DLGAP2: variants seen among roughly 807,000 people sequenced by gnomAD.
DLGAP2 encodes disks large-associated protein 2.
DLGAP2 carries 26 observed loss-of-function variants against 100.3 expected under a neutral mutation model. The observed-to-expected ratio is 0.26, with a 90% CI of 0.19 to 0.36. The LOEUF is 0.36. Ranked by LOEUF, DLGAP2 falls within the 10% of genes least tolerant of loss-of-function variation. The pLI is 1.00. For missense variants in DLGAP2, 1,858 were observed against 1,453.2 expected, an observed-to-expected ratio of 1.28 and a Z score of -4.53; for synonymous variants, 886 against 630.1, an observed-to-expected ratio of 1.41 and a Z score of -6.08.
At chr8:1,448,975 G>A (rs1464766474) in intron 3 of DLGAP2, among the ~76,000 whole-genome samples, 1 of 152,216 alleles carries the variant, frequency 6.6e-6, no homozygotes, top group African/African-American at 2.4e-5. Flanking sequence ...GTCACGCAAA[G>A]TCTGGTTTAA....
chr8:1,452,455 G>A (rs763039486), intron 3 of DLGAP2, among the ~76,000 whole-genome samples: 1 of 152,242 alleles, frequency 6.6e-6, no homozygotes, highest in Non-Finnish European at 1.5e-5. Flanking sequence ...GATGCATTCA[G>A]CACCAGTGGA....
intron 3 of DLGAP2, among the ~76,000 whole-genome samples, chr8:1,343,758 C>T (rs1052207394): frequency 6.6e-6 from 1 of 151,902 alleles, no homozygotes; most frequent in Non-Finnish European, 1.5e-5. Flanking sequence ...ACGGAGGCCT[C>T]TCCAAGAGGC....
At chr8:1,245,808 G>A (rs1798890243) in intron 2 of DLGAP2, among the ~76,000 whole-genome samples, 1 of 152,154 alleles carries the variant, frequency 6.6e-6, no homozygotes, top group African/African-American at 2.4e-5. Flanking sequence ...GAAAAAAAGG[G>A]CAGAGGCAGA....
intron 6 of DLGAP2, among the ~76,000 whole-genome samples, chr8:1,580,849 A>G (rs1380125483): frequency 6.6e-6 from 1 of 151,546 alleles, no homozygotes; most frequent in African/African-American, 2.4e-5. Flanking sequence ...CCACACATCT[A>G]CACACCATAG....
chr8:1,220,172 G>C (rs4387003), intron 2 of DLGAP2, among the ~76,000 whole-genome samples: 36,769 of 151,778 alleles, frequency 0.24, 5,161 homozygotes, highest in South Asian at 0.43. Flanking sequence ...TTTGCTCTTG[G>C]TTTTCTAGTT....
intron 3 of DLGAP2, among the ~76,000 whole-genome samples, chr8:1,448,733 C>G (rs886931142): frequency 2.0e-5 from 3 of 152,216 alleles, no homozygotes; most frequent in South Asian, 4.1e-4. Context: ...GTACTTTTTT[C>G]ACTTGGAGAC....
intron 3 of DLGAP2, among the ~76,000 whole-genome samples, chr8:1,349,848 A>T (rs1033024606): frequency 1.3e-5 from 2 of 152,244 alleles, no homozygotes; most frequent in African/African-American, 4.8e-5. Context: ...GTTGCTATAT[A>T]ATAAATTCTG....
chr8:923,388 TG>T (rs1413519904), intron 2 of DLGAP2, among the ~76,000 whole-genome samples: 6 of 152,226 alleles, frequency 3.9e-5, no homozygotes, highest in Non-Finnish European at 8.8e-5. Context: ...ACTGCCTTGA[TG>T]GATTGTGATG....
At chr8:1,313,352 C>T (rs1288056567) in intron 3 of DLGAP2, among the ~76,000 whole-genome samples, 1 of 152,176 alleles carries the variant, frequency 6.6e-6, no homozygotes, top group Non-Finnish European at 1.5e-5. Context: ...ACAAATTTGT[C>T]TTCTTCACCA....
intron 1 of DLGAP2, among the ~76,000 whole-genome samples, chr8:890,302 G>C (rs1359784237): frequency 3.9e-5 from 6 of 152,200 alleles, no homozygotes; most frequent in Non-Finnish European, 5.9e-5. Flanking sequence ...AGCGTGGTTT[G>C]CTGCAGGACT....
At chr8:777,157 A>G (rs1010014660) in intron 1 of DLGAP2, among the ~76,000 whole-genome samples, 1 of 152,074 alleles carries the variant, frequency 6.6e-6, no homozygotes, top group Non-Finnish European at 1.5e-5. Context: ...GCTTTATCAG[A>G]GACTAGGATT....
At chr8:1,279,537 T>C (rs1799773899) in intron 3 of DLGAP2, among the ~76,000 whole-genome samples, 1 of 152,194 alleles carries the variant, frequency 6.6e-6, no homozygotes, top group Non-Finnish European at 1.5e-5. Context: ...TATGGCTGCA[T>C]AATAGACTAC....
intron 3 of DLGAP2, among the ~76,000 whole-genome samples, chr8:1,445,076 TTC>T (rs1339141997): frequency 2.0e-4 from 5 of 24,956 alleles, no homozygotes; most frequent in Non-Finnish European, 3.7e-4. Flanking sequence ...AGCCAGATCA[TTC>T]TTTTTTTTTT....
intron 2 of DLGAP2, among the ~76,000 whole-genome samples, chr8:941,978 T>G (rs747495496): frequency 1.9e-4 from 29 of 152,164 alleles, no homozygotes; most frequent in Admixed American, 7.2e-4. Flanking sequence ...GGAATGTTTT[T>G]GTTGTCTCTC....
intron 6 of DLGAP2, among the ~76,000 whole-genome samples, chr8:1,586,661 C>A (rs149710849): frequency 1.4e-3 from 220 of 152,346 alleles, no homozygotes; most frequent in Middle Eastern, 3.4e-3. Context: ...GTCCCGCCTG[C>A]AGAGGTACCA....
intron 3 of DLGAP2, among the ~76,000 whole-genome samples, chr8:1,319,012 G>T (rs1015718302): frequency 3.9e-5 from 6 of 152,096 alleles, no homozygotes; most frequent in Admixed American, 3.9e-4. Context: ...GATTTAGGTG[G>T]TGTATCAGTG....
At chr8:1,292,315 C>A (rs61516222) in intron 3 of DLGAP2, among the ~76,000 whole-genome samples, 3,156 of 152,218 alleles carry the variant, frequency 0.021, 114 homozygotes, top group African/African-American at 0.073. Flanking sequence ...AGAGGTGGAC[C>A]TAGCATGTGG....
intron 6 of DLGAP2, among the ~76,000 whole-genome samples, chr8:1,615,941 A>G (rs1050482517): frequency 2.0e-5 from 3 of 152,224 alleles, no homozygotes; most frequent in Admixed American, 1.3e-4. Context: ...CACCACAAAG[A>G]TCTTTAAAGC....
At chr8:1,194,023 G>T (rs11777844) in intron 2 of DLGAP2, among the ~76,000 whole-genome samples, 32,757 of 152,026 alleles carry the variant, frequency 0.22, 4,556 homozygotes, top group Non-Finnish European at 0.32. Context: ...TGGCATTACC[G>T]GGACCAAATC....
Sources: allele counts gnomAD v4.1 joint callset (sites outside exome capture counted in the v4.1 genomes callset), GRCh38; gene constraint gnomAD v4.1.1; transcripts MANE v1.5; gene names NCBI Gene and HGNC (gene_info 2026-07-23, HGNC 2026-07-21).